Variants in KIAA0319 observed in about 807,000 individuals in gnomAD.
KIAA0319 encodes dyslexia-associated protein KIAA0319.
In KIAA0319, 83 loss-of-function variants were observed where a neutral mutation model predicts 108.4. The observed-to-expected ratio is 0.77, with a 90% CI of 0.64 to 0.92. The LOEUF is 0.92. KIAA0319 is among the 40% of genes least tolerant of loss of function. KIAA0319 has a pLI of 0.00. For synonymous variants in KIAA0319, 484 were observed against 510.4 expected (o/e 0.95, Z 0.70); for missense variants, 1,195 against 1,322.4 (o/e 0.90, Z 1.49).
chr6:24,594,461 A>G (rs1769114035), intron 3 of KIAA0319, among the ~76,000 whole-genome samples: 1 of 151,490 alleles, frequency 6.6e-6, no homozygotes. Context: ...ACCCATCTCT[A>G]CTAAAAAATA....
Position 24,547,100 on chromosome 6 carries a change from G to T in KIAA0319, c.*65C>A. ...ACTATTCTAAAAGAGTGGGTTTTGT[G>T]CTGTAACTCCCACTGACTGGTCTTG... On this transcript the variant is annotated 3_prime_UTR_variant, in exon 21 of 21. Coordinates refer to ENST00000378214, the MANE Select transcript of KIAA0319 (RefSeq NM_014809.4). 1 of 1,508,702 alleles carries T rather than the reference G, an allele frequency of 6.6e-7. No individual in the cohort carries two copies. The highest frequency in any genetic ancestry group is 9.2e-7 in the Non-Finnish European group (1 of 1,090,022). 93.5% of individuals were successfully genotyped at this position (1,508,702 alleles called of 1,614,324 possible). A position where few individuals can be genotyped will look rare whatever the true frequency, so the allele number is the denominator to read the frequency against.
chr6:24,576,927 A>G (rs977189697), intron 9 of KIAA0319, among the ~76,000 whole-genome samples: 2 of 152,078 alleles, frequency 1.3e-5, no homozygotes, highest in Admixed American at 1.3e-4. Flanking sequence ...ACTGTCACAA[A>G]AAACAACCAA....
In KIAA0319 at chr6:24,582,989, T is replaced by A. The variant is rs1766847751; in HGVS notation, c.1093+615A>T. Reference sequence around the variant, plus strand: ...TGTGTATAAAATTTTGACCAATATGTGGTGGAGAAAAAAATGAATTAAGGA... The same window carrying A: ...TGTGTATAAAATTTTGACCAATATGAGGTGGAGAAAAAAATGAATTAAGGA... On this transcript the variant is annotated intron_variant, in intron 5 of 20. Transcript: ENST00000378214. The A allele has an allele frequency of 5.2e-6, 4 of 770,908 alleles. No individual in the cohort carries two copies. In the South Asian group the frequency reaches 1.8e-4, roughly 34 times the overall value. The allele number at this position is 770,908 out of a possible 1,614,324, so 47.8% of individuals were successfully genotyped here.
chr6:24,617,143 TA>T (rs1773255593), intron 1 of KIAA0319, among the ~76,000 whole-genome samples: 1 of 152,128 alleles, frequency 6.6e-6, no homozygotes, highest in African/African-American at 2.4e-5. Flanking sequence ...AACAACCATT[TA>T]CATTTAATAA....
chr6:24,577,972 G>A (rs1326609186), intron 9 of KIAA0319, 138 bp downstream of exon 9: 14 of 707,224 alleles, frequency 2.0e-5, no homozygotes, highest in Non-Finnish European at 3.0e-5. Flanking sequence ...AGTCTCCAGC[G>A]GCATGCAACC....
In KIAA0319 at chr6:24,599,049, C is replaced by T; in HGVS notation, c.55+2000G>A. On this transcript the variant is annotated intron_variant, in intron 2 of 20. Transcript: ENST00000378214. The surrounding 1 kb of genome is among the most constrained non-coding windows in gnomAD (Gnocchi z 4.1). Reference sequence around the variant, plus strand: ...CAGGCAGCTGTATGAAGAGGAGATCCAGGAGCTGCAGTCCCAGATCTGGGA... The same window carrying T: ...CAGGCAGCTGTATGAAGAGGAGATCTAGGAGCTGCAGTCCCAGATCTGGGA... 2 of 742,322 alleles carry T rather than the reference C, an allele frequency of 2.7e-6. No individual in the cohort carries two copies. Among genetic ancestry groups the T allele is most frequent in the Middle Eastern group, 3.7e-4 (1 of 2,682 alleles). The allele number at this position is 742,322 out of a possible 1,614,324, so 46.0% of individuals were successfully genotyped here. A position where few individuals can be genotyped will look rare whatever the true frequency, so the allele number is the denominator to read the frequency against.
At chr6:24,572,841 C>T in intron 10 of KIAA0319, 143 bp from the exon 11 acceptor site, 1 of 821,452 alleles carries the variant, frequency 1.2e-6, no homozygotes, top group Non-Finnish European at 1.8e-6. Context: ...TTTGGCCAGG[C>T]ACGGTGGTTC....
Position 24,545,246 on chromosome 6 carries a change from G to A in KIAA0319, c.*1919C>T, listed in dbSNP as rs576396441. The A allele has an allele frequency of 2.6e-5, 4 of 152,260 alleles. No individual in the cohort carries two copies. In the South Asian group the frequency reaches 8.3e-4, roughly 32 times the overall value. 9.4% of individuals were successfully genotyped at this position (152,260 alleles called of 1,614,324 possible). ...CCACTACTTCTTGGCCATGACCTCT[G>A]GGAAGTTATTTAACCTCTCTGGGCC... On this transcript the variant is annotated 3_prime_UTR_variant, in exon 21 of 21. Transcript: ENST00000378214.
chr6:24,579,464 CATATATATATCTT>C (rs1417237136), intron 8 of KIAA0319, among the ~76,000 whole-genome samples: 3 of 138,946 alleles, frequency 2.2e-5, no homozygotes, highest in African/African-American at 8.6e-5. Flanking sequence ...TTATATATCT[CATATATATATCTT>C]ATATATCTCA....
chr6:24,631,344 G>A (rs1281695057), intron 1 of KIAA0319, among the ~76,000 whole-genome samples: 2 of 152,214 alleles, frequency 1.3e-5, no homozygotes, highest in African/African-American at 4.8e-5. Context: ...AGAAAGGAAG[G>A]AGGGGATTTC....
intron 1 of KIAA0319, among the ~76,000 whole-genome samples, chr6:24,613,612 A>G (rs1772707496): frequency 6.6e-6 from 1 of 152,050 alleles, no homozygotes; most frequent in South Asian, 2.1e-4. Context: ...GAAATCACTT[A>G]ATGTAAGCAC....
Position 24,599,148 on chromosome 6 carries a change from C to A in KIAA0319, c.55+1901G>T. The A allele has an allele frequency of 1.6e-6, 1 of 613,786 alleles. No homozygotes were observed. 38.0% of individuals were successfully genotyped at this position (613,786 alleles called of 1,614,324 possible). On this transcript the variant is annotated intron_variant, in intron 2 of 20. Coordinates refer to ENST00000378214, the MANE Select transcript of KIAA0319 (RefSeq NM_014809.4). This position sits in a 1 kb window ranked among gnomAD's most constrained non-coding sequence, Gnocchi z 4.1. ...CAGCATCATTGCTGAGGTCAAGGCC[C>A]AGTACAAGGAGATCACCAACTGTAG...
intron 2 of KIAA0319, 94 bp downstream of exon 2, chr6:24,600,955 C>T (rs978959421): frequency 1.6e-5 from 24 of 1,516,970 alleles, no homozygotes; most frequent in Non-Finnish European, 1.9e-5. Flanking sequence ...AAAAGCAAAC[C>T]AACAGCGTCT....
intron 1 of KIAA0319, among the ~76,000 whole-genome samples, chr6:24,625,636 A>G (rs1049099042): frequency 6.6e-6 from 1 of 152,230 alleles, no homozygotes; most frequent in Admixed American, 6.5e-5. Context: ...GTGTAAAACT[A>G]TGTCTATTCA....
intron 1 of KIAA0319, among the ~76,000 whole-genome samples, chr6:24,602,902 G>A (rs1770860095): frequency 6.6e-6 from 1 of 152,208 alleles, no homozygotes; most frequent in Non-Finnish European, 1.5e-5. Flanking sequence ...ATCAATAACT[G>A]CATTGACAAG....
intron 1 of KIAA0319, among the ~76,000 whole-genome samples, chr6:24,621,012 G>A (rs1465218096): frequency 1.3e-5 from 2 of 152,160 alleles, no homozygotes; most frequent in African/African-American, 4.8e-5. Flanking sequence ...GAAGAAAACT[G>A]AGAAGCATAC....
intron 1 of KIAA0319, among the ~76,000 whole-genome samples, chr6:24,640,889 A>G (rs1326701713): frequency 6.6e-6 from 1 of 152,128 alleles, no homozygotes; most frequent in Non-Finnish European, 1.5e-5. Flanking sequence ...CCTGGGCTCA[A>G]GTCATCTGCC....
intron 16 of KIAA0319, among the ~76,000 whole-genome samples, chr6:24,561,331 T>A (rs905493062): frequency 1.3e-5 from 2 of 152,232 alleles, no homozygotes; most frequent in Non-Finnish European, 2.9e-5. Context: ...CTTTAAACAT[T>A]TTGCAGAATT....
chr6:24,605,844 T>G (rs1562051679), intron 1 of KIAA0319, among the ~76,000 whole-genome samples: 1 of 152,214 alleles, frequency 6.6e-6, no homozygotes, highest in Non-Finnish European at 1.5e-5. Context: ...TAAAATACAC[T>G]TATAGATTTC....
Sources: gnomAD v4.1 joint callset for allele counts (sites outside exome capture counted in the v4.1 genomes callset) on GRCh38, gnomAD v4.1.1 for gene constraint, Gnocchi (gnomAD v3.1) non-coding constraint, MANE v1.5 for transcripts, NCBI Gene and HGNC (gene_info 2026-07-23, HGNC 2026-07-21) for gene names.